TENM4: variants seen among roughly 807,000 people sequenced by gnomAD.
TENM4 encodes the protein teneurin-4.
A neutral mutation model predicts 243.3 loss-of-function variants in TENM4; 82 were observed. That is an observed-to-expected ratio of 0.34 (90% CI 0.28 to 0.40). The LOEUF (loss-of-function observed/expected upper bound fraction) is 0.40, where lower values mean the gene tolerates loss of function less well. TENM4 is among the 10% of genes least tolerant of loss of function. The pLI, the probability that TENM4 is intolerant of heterozygous loss-of-function variation, is 1.00. For synonymous variants in TENM4, 1,412 were observed against 1,456.3 expected (o/e 0.97, Z 0.69); for missense variants, 3,138 against 3,673.3 (o/e 0.85, Z 3.77).
At chr11:78,847,523 C>G (rs1346208096) in intron 12 of TENM4, among the ~76,000 whole-genome samples, 1 of 152,212 alleles carries the variant, frequency 6.6e-6, no homozygotes, top group Non-Finnish European at 1.5e-5. Flanking sequence ...AGTCTGTCTC[C>G]AATGTGCTGA....
intron 1 of TENM4, among the ~76,000 whole-genome samples, chr11:79,399,229 A>G (rs1376320311): frequency 6.6e-6 from 1 of 152,226 alleles, no homozygotes; most frequent in Non-Finnish European, 1.5e-5. Context: ...CACCAGGCAC[A>G]GAATATGAGT....
At position 79,069,752 on chromosome 11, in the gene TENM4, G is replaced by A; in HGVS notation, c.193C>T (p.Pro65Ser). 6.4e-7 allele frequency: 1 copy of A among 1,551,032 alleles called. No individual in the cohort carries two copies. The highest frequency in any genetic ancestry group is 2.4e-5 in the East Asian group (1 of 40,916). Residue 65 changes from proline (P) to serine (S), a missense_variant, in exon 5 of 34, where the codon CCG (proline) becomes TCG (serine). This residue lies in a region of TENM4 where 671 missense variants were observed against 614.1 expected (regional missense o/e 1.09). Coordinates refer to ENST00000278550, the MANE Select transcript of TENM4 (RefSeq NM_001098816.3). Reference sequence around the variant, plus strand: ...CGGCAGAATTCCTCGGCCTCCTGCGGCACAATGTCCTTGACGCGGCTGCCA... The same window carrying A: ...CGGCAGAATTCCTCGGCCTCCTGCGACACAATGTCCTTGACGCGGCTGCCA... ...AYGSRVKDIV[P>S]QEAEEFCRTG...
At position 78,849,611 on chromosome 11, in the gene TENM4, T is replaced by C. The variant is rs561580441; in HGVS notation, c.1681+4493A>G. Among the ~76,000 whole-genome samples the C allele has an allele frequency of 2.6e-5, 4 of 152,216 alleles. No homozygotes were observed. The East Asian group carries it at 7.7e-4, about 29-fold the overall frequency. The stretch of plus-strand genomic sequence containing the variant: ...CTGAATGAATGAATGAATGAATAGA[T>C]GGAAAAGAGAAGTAAGTGATACCAA... On this transcript the variant is annotated intron_variant, in intron 12 of 33. Transcript: ENST00000278550.
chr11:78,669,643 G>C lies in TENM4; in HGVS notation c.6702C>G (p.Leu2234=). ...HLLSPGNSAR[L]TPLRYDIRDR... is the part of the protein sequence containing the mutation. Reference sequence around the variant, plus strand: ...CGCGGATGTCATACCGTAGTGGTGTGAGCCGTGCACTGTTCCCAGGGCTCA... The same window carrying C: ...CGCGGATGTCATACCGTAGTGGTGTCAGCCGTGCACTGTTCCCAGGGCTCA... The change falls in exon 32 of 34, where the codon CTC becomes CTG. Residue 2234 remains leucine, a synonymous_variant. Coordinates refer to ENST00000278550, the MANE Select transcript of TENM4 (RefSeq NM_001098816.3). The surrounding 1 kb of genome is among the most constrained non-coding windows in gnomAD (Gnocchi z 6.4). 6.2e-7 allele frequency: 1 copy of C among 1,614,016 alleles called. No individual in the cohort carries two copies. The highest frequency in any genetic ancestry group is 8.5e-7 in the Non-Finnish European group (1 of 1,179,900).
At position 78,720,492 on chromosome 11, in the gene TENM4, T is replaced by C. The variant is rs79998141; in HGVS notation, c.3801-102A>G. The C allele has an allele frequency of 4.2e-3, 4,668 of 1,117,982 alleles. 152 individuals are homozygous for C. The African/African-American group carries it at 0.064, about 15-fold the overall frequency. The allele number at this position is 1,117,982 out of a possible 1,614,324, so 69.3% of individuals were successfully genotyped here. A position where few individuals can be genotyped will look rare whatever the true frequency, so the allele number is the denominator to read the frequency against. ...CCTGAAAACTTGACAGCAATGGTAC[T>C]ATACAATACTGTAATAAATAAAGAC... On this transcript the variant is annotated intron_variant, in intron 24 of 33. Coordinates refer to ENST00000278550, the MANE Select transcript of TENM4 (RefSeq NM_001098816.3).
At chr11:78,879,409 A>G (rs1859364055) in intron 9 of TENM4, among the ~76,000 whole-genome samples, 1 of 150,326 alleles carries the variant, frequency 6.7e-6, no homozygotes, top group Non-Finnish European at 1.5e-5. Flanking sequence ...GGAGGTGGGG[A>G]GTGCCTCTGC....
intron 4 of TENM4, among the ~76,000 whole-genome samples, chr11:79,138,726 T>G: frequency 9.0e-6 from 1 of 111,300 alleles, no homozygotes; most frequent in Admixed American, 1.2e-4. Context: ...TACATTATAT[T>G]TATATAAATA....
chr11:79,051,886 T>G (rs1260586620), intron 6 of TENM4, among the ~76,000 whole-genome samples: 1 of 152,226 alleles, frequency 6.6e-6, no homozygotes, highest in African/African-American at 2.4e-5. Flanking sequence ...GATTTTCCAT[T>G]TCTGCGTTAG....
At chr11:79,289,965 CT>C (rs57943178) in intron 2 of TENM4, among the ~76,000 whole-genome samples, 5 of 150,204 alleles carry the variant, frequency 3.3e-5, no homozygotes, top group South Asian at 2.1e-4. Flanking sequence ...TTTTCTTTTT[CT>C]TTTTTTTTAA....
intron 1 of TENM4, among the ~76,000 whole-genome samples, chr11:79,428,683 G>A (rs1859105178): frequency 6.6e-6 from 1 of 152,222 alleles, no homozygotes; most frequent in African/African-American, 2.4e-5. Flanking sequence ...GACAGGCTGA[G>A]TAAGAAGGCC....
chr11:79,040,487 T>C (rs2136898604), intron 6 of TENM4, among the ~76,000 whole-genome samples: 1 of 152,340 alleles, frequency 6.6e-6, no homozygotes. Flanking sequence ...CCAGTCTGCT[T>C]GGCTGAAGTC....
chr11:79,087,807 T>G (rs1287137899), intron 4 of TENM4, among the ~76,000 whole-genome samples: 1 of 152,202 alleles, frequency 6.6e-6, no homozygotes, highest in African/African-American at 2.4e-5. Flanking sequence ...AGGCCCTGTT[T>G]GCCTTCCTAG....
At chr11:78,825,045 T>C (rs1857820974) in intron 12 of TENM4, among the ~76,000 whole-genome samples, 1 of 152,234 alleles carries the variant, frequency 6.6e-6, no homozygotes, top group South Asian at 2.1e-4. Context: ...TGTATCACAC[T>C]TGGACAAAAA....
At chr11:78,719,012 G>T (rs1251339443) in intron 25 of TENM4, among the ~76,000 whole-genome samples, 1 of 152,034 alleles carries the variant, frequency 6.6e-6, no homozygotes, top group Admixed American at 6.5e-5. Flanking sequence ...AATAATAATT[G>T]TTATGATAAT....
At position 78,874,921 on chromosome 11, in the gene TENM4, C is replaced by CA. The variant is rs1859227988; in HGVS notation, c.1085-11790dup. 1.3e-5 allele frequency among the ~76,000 whole-genome samples: 2 copies of CA among 152,244 alleles called. 1 individual carries two copies. The highest frequency in any genetic ancestry group is 1.3e-4 in the Admixed American group (2 of 15,286). On this transcript the variant is annotated intron_variant, in intron 9 of 33. Transcript: ENST00000278550. The stretch of plus-strand genomic sequence containing the variant: ...GGGCATGATCAATCTAGCTGCCTGC[C>CA]ACATGCCAGCAGGAAGGGCTTTCTC...
chr11:78,999,531 AC>A (rs1453280892), intron 6 of TENM4, among the ~76,000 whole-genome samples: 1 of 152,150 alleles, frequency 6.6e-6, no homozygotes, highest in South Asian at 2.1e-4. Context: ...ACAAAACAAA[AC>A]AAAACAAAAA....
intron 16 of TENM4, among the ~76,000 whole-genome samples, chr11:78,783,523 C>A (rs1283580241): frequency 6.6e-6 from 1 of 152,104 alleles, no homozygotes; most frequent in Non-Finnish European, 1.5e-5. Context: ...ACTTCTGTCA[C>A]CCTTGGGGAC....
At chr11:79,246,067 T>A (rs1450475998) in intron 2 of TENM4, among the ~76,000 whole-genome samples, 1 of 151,424 alleles carries the variant, frequency 6.6e-6, no homozygotes. Context: ...GGTAACGTCC[T>A]CATATAATTT....
At chr11:79,155,606 G>A (rs1239478344) in intron 3 of TENM4, among the ~76,000 whole-genome samples, 3 of 149,822 alleles carry the variant, frequency 2.0e-5, no homozygotes, top group African/African-American at 2.5e-5. Flanking sequence ...TTAATGGTCC[G>A]CCTTTCCCTC....
Sources: allele counts gnomAD v4.1 joint callset (sites outside exome capture counted in the v4.1 genomes callset), GRCh38; gene constraint gnomAD v4.1.1; regional missense constraint gnomAD v4.1.1; non-coding constraint Gnocchi (gnomAD v3.1); transcripts MANE v1.5; gene names NCBI Gene and HGNC (gene_info 2026-07-23, HGNC 2026-07-21).